Variants in MYO5C observed in about 807,000 individuals in gnomAD.
MYO5C encodes the protein myosin VC.
In MYO5C, 194 loss-of-function variants were observed where a neutral mutation model predicts 235.7. That is an observed-to-expected ratio of 0.82 (90% CI 0.73 to 0.93). The LOEUF is 0.93. Among genes scored for constraint, MYO5C ranks in the 40% least tolerant of loss-of-function variants. The pLI, the probability that MYO5C is intolerant of heterozygous loss-of-function variation, is 0.00. For synonymous variants in MYO5C, 707 were observed against 754.8 expected (o/e 0.94, Z 1.04); for missense variants, 2,038 against 2,127.2 (o/e 0.96, Z 0.82).
chr15:52,211,800 G>C lies in MYO5C; in HGVS notation c.4226C>G (p.Ser1409Cys). The C allele has an allele frequency of 6.2e-7, 1 of 1,614,200 alleles. No individual in the cohort carries two copies. Among genetic ancestry groups the C allele is most frequent in the Non-Finnish European group, 8.5e-7 (1 of 1,180,026 alleles). The change falls in exon 35 of 41, where the codon TCT (serine) becomes TGT (cysteine). Residue 1409 changes from serine (S) to cysteine (C), a missense_variant. Physicochemically the swap from Ser to Cys is moderately radical, Grantham distance 112. Coordinates refer to ENST00000261839, the MANE Select transcript of MYO5C (RefSeq NM_018728.4). ...CTTCAGCATGTTGGCATCATTCAGA[G>C]AGTCTGCGTAGCGCACACACATGAA... is the stretch of plus-strand genomic sequence containing the variant. The part of the protein sequence containing the change: ...ILFMCVRYAD[S>C]LNDANMLKSL...
intron 8 of MYO5C, among the ~76,000 whole-genome samples, chr15:52,268,642 G>T (rs1465900485): frequency 1.3e-5 from 2 of 152,192 alleles, no homozygotes; most frequent in Non-Finnish European, 2.9e-5. Context: ...TGGATGTCTA[G>T]ACTCATACAG....
intron 38 of MYO5C, among the ~76,000 whole-genome samples, chr15:52,197,111 T>C (rs2035070757): frequency 6.6e-6 from 1 of 152,204 alleles, no homozygotes; most frequent in Non-Finnish European, 1.5e-5. Flanking sequence ...AGACTTACCA[T>C]ATGACACAGC....
intron 20 of MYO5C, among the ~76,000 whole-genome samples, chr15:52,241,292 C>A (rs1377919122): frequency 8.9e-6 from 1 of 112,874 alleles, no homozygotes; most frequent in Non-Finnish European, 1.6e-5. Context: ...CGGAGTCTCA[C>A]TCTGTCACCC....
At position 52,278,928 on chromosome 15, in the gene MYO5C, C is replaced by A; in HGVS notation, c.394G>T (p.Asp132Tyr). 6.2e-7 allele frequency: 1 copy of A among 1,614,142 alleles called. No individual in the cohort carries two copies. Among genetic ancestry groups the A allele is most frequent in the Non-Finnish European group, 8.5e-7 (1 of 1,180,028 alleles). Residue 132 changes from aspartate (D) to tyrosine (Y), a missense_variant, in exon 4 of 41, where the codon GAT becomes TAT. Physicochemically the swap from Asp to Tyr is radical, Grantham distance 160 (BLOSUM62 -3). Transcript: ENST00000261839. ...ACGGCAAATATGTGTGGGTCCATAT[C>A]GCCCATGTTCTGCCCGCTGTAGGCG... ...IHAYSGQNMG[D>Y]MDPHIFAVAE...
chr15:52,231,017 G>C (rs983536631), intron 24 of MYO5C, among the ~76,000 whole-genome samples: 14 of 151,656 alleles, frequency 9.2e-5, no homozygotes, highest in African/African-American at 3.4e-4. Flanking sequence ...TAGTAGATAC[G>C]GGGTTTCACC....
chr15:52,281,337 G>A (rs2037158354), intron 2 of MYO5C, among the ~76,000 whole-genome samples: 1 of 152,202 alleles, frequency 6.6e-6, no homozygotes, highest in South Asian at 2.1e-4. Context: ...CTGGCTGCCC[G>A]CCATCCTACT....
chr15:52,248,648 A>T, intron 14 of MYO5C, 52 bp downstream of exon 14: 1 of 1,245,102 alleles, frequency 8.0e-7, no homozygotes, highest in Non-Finnish European at 1.2e-6. Flanking sequence ...ATATACATCT[A>T]GATCCATGTC....
intron 35 of MYO5C, among the ~76,000 whole-genome samples, chr15:52,210,267 C>T (rs1181232392): frequency 2.6e-5 from 4 of 152,020 alleles, no homozygotes; most frequent in African/African-American, 9.7e-5. Context: ...CCTGGCCTTC[C>T]CTAGAGTATT....
intron 1 of MYO5C, among the ~76,000 whole-genome samples, chr15:52,284,149 A>C (rs946055559): frequency 6.6e-6 from 1 of 152,230 alleles, no homozygotes; most frequent in East Asian, 1.9e-4. Context: ...TATGGGACAT[A>C]GTAACTTTAT....
At position 52,279,597 on chromosome 15, in the gene MYO5C, G is replaced by C; in HGVS notation, c.216C>G (p.Leu72=). ...GCTCGTGAAGATAGCTGAGAGCCGTGAGGTCATTCTCGCCCACGAGGATGT... is the reference window on the plus strand; with the variant it reads ...GCTCGTGAAGATAGCTGAGAGCCGTCAGGTCATTCTCGCCCACGAGGATGT... The part of the protein sequence containing the change: ...NPDILVGEND[L]TALSYLHEPA... Residue 72 remains leucine (L), a synonymous_variant, in exon 3 of 41, where the codon CTC becomes CTG. Transcript: ENST00000261839. 6.2e-7 allele frequency: 1 copy of C among 1,614,156 alleles called. No homozygotes were observed. Among genetic ancestry groups the C allele is most frequent in the Non-Finnish European group, 8.5e-7 (1 of 1,179,980 alleles).
intron 35 of MYO5C, among the ~76,000 whole-genome samples, chr15:52,210,767 C>G (rs930994234): frequency 3.9e-5 from 6 of 152,198 alleles, no homozygotes; most frequent in African/African-American, 1.4e-4. Flanking sequence ...ACTCATTGAT[C>G]ACTTATGGAG....
chr15:52,203,482 A>C (rs1445741207), intron 38 of MYO5C, among the ~76,000 whole-genome samples: 1 of 152,038 alleles, frequency 6.6e-6, no homozygotes, highest in Non-Finnish European at 1.5e-5. Context: ...AGTAGCTGGG[A>C]TTACAGGCAT....
intron 38 of MYO5C, 67 bp from the exon 39 acceptor site, chr15:52,196,550 G>A (rs767077937): frequency 8.9e-5 from 133 of 1,495,828 alleles, no homozygotes; most frequent in Non-Finnish European, 1.1e-4. Flanking sequence ...TGTGTGTCCC[G>A]AGAGGGTACC....
chr15:52,218,509 G>T lies in MYO5C; in HGVS notation c.3954+10C>A. On this transcript the variant is annotated intron_variant, in intron 32 of 40. Transcript: ENST00000261839. ...GACAGTCTTTATCACCAAGTTAGAA[G>T]ACTTCTCACCCTGTTTTCCAAAGTG... 6.2e-7 allele frequency: 1 copy of T among 1,613,650 alleles called. No individual in the cohort carries two copies. The highest frequency in any genetic ancestry group is 1.3e-5 in the African/African-American group (1 of 75,044).
chr15:52,234,146 A>C (rs114014545), intron 23 of MYO5C, among the ~76,000 whole-genome samples: 85 of 152,354 alleles, frequency 5.6e-4, no homozygotes, highest in African/African-American at 2.0e-3. Flanking sequence ...AGATGCGCTA[A>C]AGAAGCTGCT....
At chr15:52,238,025 C>T (rs1009269537) in intron 21 of MYO5C, among the ~76,000 whole-genome samples, 9 of 152,060 alleles carry the variant, frequency 5.9e-5, no homozygotes, top group African/African-American at 2.2e-4. Context: ...AACCAGCCCT[C>T]AGGGTGAGCC....
intron 1 of MYO5C, among the ~76,000 whole-genome samples, chr15:52,283,189 T>C (rs1197232150): frequency 6.6e-6 from 1 of 152,154 alleles, no homozygotes; most frequent in Non-Finnish European, 1.5e-5. Flanking sequence ...CACGGCTGTC[T>C]ACAGGGTTAG....
At chr15:52,249,543 T>G (rs554341883) in intron 13 of MYO5C, among the ~76,000 whole-genome samples, 4 of 152,356 alleles carry the variant, frequency 2.6e-5, no homozygotes, top group Middle Eastern at 3.4e-3. Context: ...GAGGGTTCCC[T>G]GGGCATGGCC....
At position 52,256,994 on chromosome 15, in the gene MYO5C, A is replaced by G. The variant is rs1385054210; in HGVS notation, c.1314-274T>C. On this transcript the variant is annotated intron_variant, in intron 10 of 40. Transcript: ENST00000261839. ...CATGTCACCATATGGTGTAGTCCGCACAACAACAGTGATATTGGCAATTAT... is the reference window on the plus strand; with the variant it reads ...CATGTCACCATATGGTGTAGTCCGCGCAACAACAGTGATATTGGCAATTAT... 1.3e-5 allele frequency: 4 copies of G among 300,660 alleles called. No individual in the cohort carries two copies. In the East Asian group the frequency reaches 2.5e-4, roughly 19 times the overall value. The allele number at this position is 300,660 out of a possible 1,614,324, so 18.6% of individuals were successfully genotyped here.
Sources: allele counts gnomAD v4.1 joint callset (sites outside exome capture counted in the v4.1 genomes callset), GRCh38; gene constraint gnomAD v4.1.1; transcripts MANE v1.5; gene names NCBI Gene and HGNC (gene_info 2026-07-23, HGNC 2026-07-21).